Variants in SLX9 observed in about 807,000 individuals in gnomAD.
SLX9 encodes SLX9 ribosome biogenesis factor, also known as ribosome biogenesis protein SLX9 homolog.
A neutral mutation model predicts 20.8 loss-of-function variants in SLX9; 19 were observed. The ratio of observed to expected loss-of-function variants is 0.91; its 90% CI spans 0.64 to 1.34. SLX9 has a LOEUF of 1.34. Ranked by LOEUF, SLX9 falls within the 40% of genes most tolerant of loss-of-function variation. SLX9 has a pLI of 0.00. For synonymous variants in SLX9, 113 were observed against 137.1 expected (o/e 0.82, Z 1.23); for missense variants, 299 against 322.2 (o/e 0.93, Z 0.55).
Position 44,949,398 on chromosome 21 carries a change from C to T in SLX9, c.283+5561C>T, listed in dbSNP as rs187552671. Among the ~76,000 whole-genome samples, 449 of 152,198 alleles carry T rather than the reference C, an allele frequency of 3.0e-3. 4 individuals are homozygous for T. The highest frequency in any genetic ancestry group is 0.011 in the African/African-American group (439 of 41,524). ...TAGGGATGCAGCCCAGGCGGCCCTGCACCATAGCCTCCTCCAGAGGAACCC... is the reference window on the plus strand; with the variant it reads ...TAGGGATGCAGCCCAGGCGGCCCTGTACCATAGCCTCCTCCAGAGGAACCC... On this transcript the variant is annotated intron_variant, in intron 2 of 5. Coordinates refer to ENST00000291634, the MANE Select transcript of SLX9 (RefSeq NM_058190.4).
rs978856398 is a variant in SLX9, at chr21:44,950,961, C to T, written c.283+7124C>T. Among the ~76,000 whole-genome samples the T allele has an allele frequency of 3.9e-5, 6 of 152,204 alleles. No individual in the cohort carries two copies. The East Asian group carries it at 1.2e-3, about 29-fold the overall frequency. On this transcript the variant is annotated intron_variant, in intron 2 of 5. Coordinates refer to ENST00000291634, the MANE Select transcript of SLX9 (RefSeq NM_058190.4). Reference sequence around the variant, plus strand: ...GGGCTGCACCTGTGCCTGAGGATCACGGTGACTCCACCTGGTCCCTGTCCT... The same window carrying T: ...GGGCTGCACCTGTGCCTGAGGATCATGGTGACTCCACCTGGTCCCTGTCCT...
chr21:44,964,483 C>G (rs2084999099), intron 3 of SLX9, among the ~76,000 whole-genome samples: 2 of 152,224 alleles, frequency 1.3e-5, no homozygotes, highest in Admixed American at 6.5e-5. Flanking sequence ...GGAGGCCTCC[C>G]CCGGTCACTC....
intron 1 of SLX9, among the ~76,000 whole-genome samples, chr21:44,941,200 A>G (rs1601364303): frequency 6.6e-6 from 1 of 152,314 alleles, no homozygotes; most frequent in East Asian, 1.9e-4. Context: ...AATATTTATA[A>G]TGCCTACTCT....
At chr21:44,961,831 A>C (rs748630773) in intron 3 of SLX9, among the ~76,000 whole-genome samples, 15 of 152,076 alleles carry the variant, frequency 9.9e-5, no homozygotes, top group Admixed American at 2.0e-4. Context: ...TTTGGGTTTC[A>C]GTTACTCTGC....
At chr21:44,960,044 G>C in intron 2 of SLX9, 56 bp from the exon 3 acceptor site, 4 of 1,508,950 alleles carry the variant, frequency 2.7e-6, no homozygotes, top group Non-Finnish European at 3.7e-6. Flanking sequence ...CCATTCTCAG[G>C]TCATGGGAGT....
intron 4 of SLX9, among the ~76,000 whole-genome samples, chr21:44,969,676 C>A (rs935495316): frequency 2.6e-5 from 4 of 152,242 alleles, no homozygotes; most frequent in African/African-American, 9.6e-5. Flanking sequence ...CATGCTGTTG[C>A]TCTGACATGA....
intron 4 of SLX9, among the ~76,000 whole-genome samples, chr21:44,969,683 A>G (rs1032475394): frequency 2.6e-5 from 4 of 152,254 alleles, no homozygotes; most frequent in Non-Finnish European, 5.9e-5. Context: ...TTGCTCTGAC[A>G]TGAGTGTGGT....
chr21:44,944,862 C>T (rs1382665250), intron 2 of SLX9, among the ~76,000 whole-genome samples: 7 of 152,244 alleles, frequency 4.6e-5, no homozygotes, highest in Non-Finnish European at 7.3e-5. Context: ...CGCTCTGGGC[C>T]TGGGCTTTGC....
At chr21:44,960,068 G>C (rs771825231) in intron 2 of SLX9, 32 bp from the exon 3 acceptor site, 1 of 1,610,152 alleles carries the variant, frequency 6.2e-7, no homozygotes, top group Non-Finnish European at 8.5e-7. Context: ...ACCTGGACAC[G>C]TTTTGCTCAC....
At chr21:44,951,099 A>G (rs2084749074) in intron 2 of SLX9, among the ~76,000 whole-genome samples, 2 of 152,168 alleles carry the variant, frequency 1.3e-5, no homozygotes, top group African/African-American at 4.8e-5. Flanking sequence ...TGGTTTAAAC[A>G]CACAGCAGCA....
intron 3 of SLX9, among the ~76,000 whole-genome samples, chr21:44,966,178 C>A (rs895267487): frequency 6.6e-6 from 1 of 152,104 alleles, no homozygotes; most frequent in African/African-American, 2.4e-5. Context: ...CCTTGTTCTG[C>A]GAGCCACCTG....
chr21:44,963,580 G>A (rs2084984570), intron 3 of SLX9, among the ~76,000 whole-genome samples: 1 of 151,462 alleles, frequency 6.6e-6, no homozygotes, highest in Non-Finnish European at 1.5e-5. Context: ...ATCTTGAATT[G>A]TTTGTCTATG....
rs533916803 is a variant in SLX9 at position 44,973,772 on chromosome 21, G to A, written c.569+507G>A. On this transcript the variant is annotated intron_variant, in intron 5 of 5. Coordinates refer to ENST00000291634, the MANE Select transcript of SLX9 (RefSeq NM_058190.4). ...CAGGGGTTCAGCGGCTGAGAGCCCC[G>A]CCCGTGCCTCTAGTCCCCTCCACGC... 3.0e-3 allele frequency among the ~76,000 whole-genome samples: 449 copies of A among 151,592 alleles called. 3 individuals are homozygous for A. The highest frequency in any genetic ancestry group is 9.7e-3 in the African/African-American group (402 of 41,350).
chr21:44,976,906 C>G lies in SLX9; in HGVS notation c.*103C>G, dbSNP rs797009249. The G allele has an allele frequency of 5.8e-5, 85 of 1,475,486 alleles. No homozygotes were observed. In the South Asian group the frequency reaches 9.7e-4, roughly 17 times the overall value. 91.4% of individuals were successfully genotyped at this position (1,475,486 alleles called of 1,614,324 possible). ...GCCTGAGCCTGGTGGACGCCCTTCC[C>G]TCTGGTCGGTTGTGGGGCTCAATAA... On this transcript the variant is annotated 3_prime_UTR_variant, in exon 6 of 6. Transcript: ENST00000291634.
chr21:44,948,271 C>T (rs1439470716), intron 2 of SLX9, among the ~76,000 whole-genome samples: 6 of 135,886 alleles, frequency 4.4e-5, no homozygotes, highest in South Asian at 2.4e-4. Flanking sequence ...AAGCATCGGG[C>T]GGTCCGGGGA....
chr21:44,950,306 T>C (rs557142511), intron 2 of SLX9, among the ~76,000 whole-genome samples: 2 of 151,680 alleles, frequency 1.3e-5, no homozygotes, highest in African/African-American at 2.4e-5. Context: ...CAGGAAACCA[T>C]GCAGAATGTA....
chr21:44,976,796 A>C lies in SLX9; in HGVS notation c.686A>C (p.Gln229Pro), dbSNP rs1250109959. ...ARQMQLEDGG[Q>P]L ...CAGATGCAGCTGGAAGATGGCGGCC[A>C]GCTCTGACCAGGGCAGCGGGCATGC... is the stretch of plus-strand genomic sequence containing the variant. The change falls in exon 6 of 6, where the codon CAG (glutamine) becomes CCG (proline). Residue 229 changes from glutamine (Q) to proline (P), a missense_variant. Transcript: ENST00000291634. 2.2e-5 allele frequency: 34 copies of C among 1,543,376 alleles called. No homozygotes were observed. Among genetic ancestry groups the C allele is most frequent in the Non-Finnish European group, 2.9e-5 (33 of 1,148,358 alleles).
chr21:44,944,308 C>T (rs4818748), intron 2 of SLX9, among the ~76,000 whole-genome samples: 22,395 of 152,170 alleles, frequency 0.15, 1,758 homozygotes, highest in Admixed American at 0.21. Context: ...CAGATCCATG[C>T]GCAGCCCTTC....
intron 2 of SLX9, among the ~76,000 whole-genome samples, chr21:44,951,460 C>T (rs1194196167): frequency 2.0e-5 from 3 of 152,146 alleles, no homozygotes; most frequent in East Asian, 1.9e-4. Context: ...GAGTCCTCAG[C>T]GCACGGGGCG....
Sources: gnomAD v4.1 joint callset for allele counts (sites outside exome capture counted in the v4.1 genomes callset) on GRCh38, gnomAD v4.1.1 for gene constraint, MANE v1.5 for transcripts, NCBI Gene and HGNC (gene_info 2026-07-23, HGNC 2026-07-21) for gene names.